Variants in TLCD4 observed in about 807,000 individuals in gnomAD.
The protein encoded by TLCD4 is TLC domain-containing protein 4.
TLCD4 carries 7 observed loss-of-function variants against 24.2 expected under a neutral mutation model. That is an observed-to-expected ratio of 0.29 (90% CI 0.16 to 0.54). TLCD4 has a LOEUF of 0.54. Among genes scored for constraint, TLCD4 ranks in the 20% least tolerant of loss-of-function variants. The pLI, the probability that TLCD4 is intolerant of heterozygous loss-of-function variation, is 0.95. For missense variants in TLCD4, 259 were observed against 313.9 expected (o/e 0.82, Z 1.32); for synonymous variants, 103 against 106.4 (o/e 0.97, Z 0.20).
chr1:95,197,151 C>A lies in TLCD4; in HGVS notation c.*5283C>A, dbSNP rs1557703715. On this transcript the variant is annotated 3_prime_UTR_variant, in exon 7 of 7. Transcript: ENST00000370203. ...TACTTAATACCATTTTGAGAACATA[C>A]CTTCTAATTTATTTCCATAAGGCTG... is the stretch of plus-strand genomic sequence containing the variant. The A allele has an allele frequency of 6.6e-6, 1 of 151,968 alleles. No individual in the cohort carries two copies. The highest frequency in any genetic ancestry group is 1.5e-5 in the Non-Finnish European group (1 of 67,974). 9.4% of individuals were successfully genotyped at this position (151,968 alleles called of 1,614,324 possible). A position where few individuals can be genotyped will look rare whatever the true frequency, so the allele number is the denominator to read the frequency against.
In TLCD4 at chr1:95,176,131, C is replaced by A. The variant is rs1022918061; in HGVS notation, c.473+2242C>A. On this transcript the variant is annotated intron_variant, in intron 6 of 6. Coordinates refer to ENST00000370203, the MANE Select transcript of TLCD4 (RefSeq NM_152487.3). ...TGATTCATGGTGTGGAGCATCTTTTCATGCATTTCTTGGCCATTTGTATAT... is the reference window on the plus strand; with the variant it reads ...TGATTCATGGTGTGGAGCATCTTTTAATGCATTTCTTGGCCATTTGTATAT... 5.3e-5 allele frequency among the ~76,000 whole-genome samples: 8 copies of A among 151,628 alleles called. No individual in the cohort carries two copies. The East Asian group carries it at 1.6e-3, about 30-fold the overall frequency.
At position 95,194,011 on chromosome 1, in the gene TLCD4, A is replaced by G. The variant is rs1331102014; in HGVS notation, c.*2143A>G. On this transcript the variant is annotated 3_prime_UTR_variant, in exon 7 of 7. Coordinates refer to ENST00000370203, the MANE Select transcript of TLCD4 (RefSeq NM_152487.3). ...TTCTATAGTTCTGAACACAGATTTT[A>G]AACCCACTATCAAAATGAAAACAAT... is the stretch of plus-strand genomic sequence containing the variant. The G allele has an allele frequency of 6.6e-6, 1 of 152,124 alleles. No homozygotes were observed. The highest frequency in any genetic ancestry group is 2.4e-5 in the African/African-American group (1 of 41,456). The allele number at this position is 152,124 out of a possible 1,614,324, so 9.4% of individuals were successfully genotyped here. A position where few individuals can be genotyped will look rare whatever the true frequency, so the allele number is the denominator to read the frequency against.
At chr1:95,167,674 C>T (rs1466315168) in intron 5 of TLCD4, among the ~76,000 whole-genome samples, 31 of 152,140 alleles carry the variant, frequency 2.0e-4, no homozygotes, top group Admixed American at 2.0e-3. Context: ...TGGAATGTGT[C>T]TAGACTTGCT....
chr1:95,122,262 A>G (rs950896077), intron 1 of TLCD4, among the ~76,000 whole-genome samples: 1 of 152,222 alleles, frequency 6.6e-6, no homozygotes, highest in African/African-American at 2.4e-5. Flanking sequence ...CGGGAGGCTG[A>G]GGCCAGAGAA....
At chr1:95,092,839 A>G in the TLCD4 span, among the ~76,000 whole-genome samples, 1 of 152,238 alleles carries the variant, frequency 6.6e-6, no homozygotes, top group Middle Eastern at 3.2e-3. Context: ...CCTGGGTTCA[A>G]GTGAGTCTTG....
chr1:95,107,280 G>A, the TLCD4 span, among the ~76,000 whole-genome samples: 8 of 152,198 alleles, frequency 5.3e-5, no homozygotes, highest in African/African-American at 9.6e-5. Flanking sequence ...AAAATTAGCC[G>A]GGCGTGGTGG....
chr1:95,093,337 T>C, the TLCD4 span, among the ~76,000 whole-genome samples: 68 of 152,360 alleles, frequency 4.5e-4, 1 homozygote, highest in East Asian at 0.012. Flanking sequence ...TCCATTCTTT[T>C]ATTTTTCAAA....
At chr1:95,113,241 C>T (rs1406094354), upstream of TLCD4, among the ~76,000 whole-genome samples, 1 of 152,016 alleles carries the variant, frequency 6.6e-6, no homozygotes, top group African/African-American at 2.4e-5. Flanking sequence ...CGGGGTTTCG[C>T]CATGTTGGCC....
At chr1:95,181,575 G>GTTTGTTTATTTATTTA (rs1553172732) in intron 6 of TLCD4, among the ~76,000 whole-genome samples, 8 of 95,786 alleles carry the variant, frequency 8.4e-5, no homozygotes, top group South Asian at 3.6e-4. Flanking sequence ...TTTTAAATTT[G>GTTTGTTTATTTATTTA]TTTAATTATT....
At chr1:95,155,438 A>T (rs1677604827) in intron 5 of TLCD4, among the ~76,000 whole-genome samples, 1 of 152,214 alleles carries the variant, frequency 6.6e-6, no homozygotes, top group African/African-American at 2.4e-5. Flanking sequence ...ACAATAAAGT[A>T]TCAGAATTTG....
chr1:95,120,272 C>T (rs1676535265), intron 1 of TLCD4: 1 of 152,194 alleles, frequency 6.6e-6, no homozygotes. Context: ...CCAGAGAATA[C>T]ATTACATTAG....
intron 6 of TLCD4, among the ~76,000 whole-genome samples, chr1:95,178,900 T>C (rs1307606965): frequency 6.6e-6 from 1 of 152,252 alleles, no homozygotes; most frequent in African/African-American, 2.4e-5. Context: ...ACTCAGTGCA[T>C]GGCCCAGCTG....
At position 95,191,682 on chromosome 1, in the gene TLCD4, G is replaced by A. The variant is rs139186860; in HGVS notation, c.606G>A (p.Val202=). The A allele has an allele frequency of 1.9e-6, 3 of 1,614,134 alleles. No individual in the cohort carries two copies. Among genetic ancestry groups the A allele is most frequent in the South Asian group, 1.1e-5 (1 of 91,080 alleles). Residue 202 remains valine (V), a synonymous_variant, in exon 7 of 7, where the codon GTG becomes GTA. Coordinates refer to ENST00000370203, the MANE Select transcript of TLCD4 (RefSeq NM_152487.3). The part of the protein sequence containing the change: ...MLPHYGFMYS[V]YGTEPYIRLG... ...CTCATTATGGCTTCATGTATTCCGT[G>A]TATGGAACAGAACCCTACATAAGGC...
intron 1 of TLCD4, among the ~76,000 whole-genome samples, chr1:95,125,000 T>G (rs1326087147): frequency 2.6e-5 from 4 of 152,142 alleles, no homozygotes; most frequent in Non-Finnish European, 4.4e-5. Context: ...TGTTAATAGG[T>G]TATACAGTGT....
rs1188061128 is a variant in TLCD4 at position 95,135,395 on chromosome 1, CTTTTTTTTTTT to C, written c.-11-8487_-11-8477del. On this transcript the variant is annotated intron_variant, in intron 1 of 6. Coordinates refer to ENST00000370203, the MANE Select transcript of TLCD4 (RefSeq NM_152487.3). ...GTTCCTGGTCTCATTTTTTTGTACA[CTTTTTTTTTTT>C]TTTTTTTTGAGACAGAGTCTTCCTC... 1.0e-4 allele frequency among the ~76,000 whole-genome samples: 13 copies of C among 130,502 alleles called. 2 individuals carry two copies. In the South Asian group the frequency reaches 2.9e-3, roughly 29 times the overall value. The allele number at this position is 130,502 out of a possible 152,430, so 85.6% of individuals were successfully genotyped here. A position where few individuals can be genotyped will look rare whatever the true frequency, so the allele number is the denominator to read the frequency against.
At chr1:95,137,720 C>T (rs771798981) in intron 1 of TLCD4, among the ~76,000 whole-genome samples, 24 of 146,132 alleles carry the variant, frequency 1.6e-4, no homozygotes, top group Non-Finnish European at 3.5e-4. Context: ...CTCTTTCCCT[C>T]CCTCCCTCCC....
the TLCD4 span, among the ~76,000 whole-genome samples, chr1:95,105,831 T>C: frequency 2.8e-5 from 4 of 141,024 alleles, no homozygotes; most frequent in African/African-American, 1.0e-4. Flanking sequence ...CGAGGCGGAG[T>C]TTGCAGTGAG....
chr1:95,114,269 C>T (rs941055040), upstream of TLCD4, among the ~76,000 whole-genome samples: 1 of 152,182 alleles, frequency 6.6e-6, no homozygotes, highest in Non-Finnish European at 1.5e-5. Context: ...ACTCTTAATA[C>T]ACTAAAACTA....
chr1:95,132,406 G>A (rs1006298682), intron 1 of TLCD4, among the ~76,000 whole-genome samples: 13 of 144,798 alleles, frequency 9.0e-5, no homozygotes, highest in Non-Finnish European at 1.8e-4. Flanking sequence ...GCAGTGAGCC[G>A]AGATTGCACC....
Sources: gnomAD v4.1 joint callset for allele counts (sites outside exome capture counted in the v4.1 genomes callset) on GRCh38, gnomAD v4.1.1 for gene constraint, MANE v1.5 for transcripts, NCBI Gene and HGNC (gene_info 2026-07-23, HGNC 2026-07-21) for gene names.